Variants in FARP1 observed in about 807,000 individuals in gnomAD.
FARP1 encodes the protein FERM, ARH/RhoGEF and pleckstrin domain protein 1, also known as FERM, ARHGEF and pleckstrin domain-containing protein 1.
In FARP1, 52 loss-of-function variants were observed where a neutral mutation model predicts 128.8. That is an observed-to-expected ratio of 0.40 (90% CI 0.32 to 0.51). The LOEUF is 0.51. Among genes scored for constraint, FARP1 ranks in the 20% least tolerant of loss-of-function variants. The pLI is 0.45. For missense variants in FARP1, 1,333 were observed against 1,367.9 expected (o/e 0.97, Z 0.40); for synonymous variants, 580 against 551.8 (o/e 1.05, Z -0.72).
At chr13:98,241,207 C>G (rs1415189936) in intron 2 of FARP1, among the ~76,000 whole-genome samples, 1 of 152,132 alleles carries the variant, frequency 6.6e-6, no homozygotes, top group African/African-American at 2.4e-5. Context: ...GTGGAGTTTT[C>G]AAGAAGGCTG....
intron 24 of FARP1, among the ~76,000 whole-genome samples, chr13:98,442,976 G>A (rs762794885): frequency 3.9e-5 from 6 of 152,206 alleles, no homozygotes; most frequent in Non-Finnish European, 5.9e-5. Flanking sequence ...TGGGGTCCAG[G>A]TGGCCCAGAG....
At chr13:98,167,215 A>G (rs189660846) in intron 1 of FARP1, among the ~76,000 whole-genome samples, 1 of 152,170 alleles carries the variant, frequency 6.6e-6, no homozygotes, top group Non-Finnish European at 1.5e-5. Context: ...GACTTCCTTT[A>G]TATATGGAGA....
intron 8 of FARP1, among the ~76,000 whole-genome samples, chr13:98,386,187 C>CTTTT (rs138218092): frequency 2.7e-4 from 25 of 93,022 alleles, no homozygotes; most frequent in African/African-American, 7.1e-4. Context: ...TAATGTGATC[C>CTTTT]TTTTTTTTTT....
chr13:98,428,150 C>T (rs1017150607), intron 17 of FARP1, among the ~76,000 whole-genome samples: 1 of 151,510 alleles, frequency 6.6e-6, no homozygotes, highest in Non-Finnish European at 1.5e-5. Context: ...GGTCACACAA[C>T]CAAGGGAGGG....
intron 1 of FARP1, among the ~76,000 whole-genome samples, chr13:98,189,659 A>G (rs1166493488): frequency 6.6e-6 from 1 of 152,212 alleles, no homozygotes; most frequent in Non-Finnish European, 1.5e-5. Flanking sequence ...TTTACTTATT[A>G]TTGCCATGCA....
intron 1 of FARP1, among the ~76,000 whole-genome samples, chr13:98,210,069 A>G (rs1880583935): frequency 1.3e-5 from 2 of 152,056 alleles, no homozygotes; most frequent in South Asian, 4.1e-4. Context: ...AGTACAATGT[A>G]TAGAATGGTA....
chr13:98,288,234 T>A (rs976025764), intron 2 of FARP1, among the ~76,000 whole-genome samples: 1 of 152,090 alleles, frequency 6.6e-6, no homozygotes, highest in African/African-American at 2.4e-5. Flanking sequence ...TGAGGAGGGA[T>A]GGTATAGGTT....
Position 98,358,248 on chromosome 13 carries a change from C to T in FARP1, c.277-7147C>T, listed in dbSNP as rs372177388. On this transcript the variant is annotated intron_variant, in intron 3 of 26. Coordinates refer to ENST00000319562, the MANE Select transcript of FARP1 (RefSeq NM_005766.4). ...CATCTCTTGCACTCATGGATTTGGCCGCATCCTACCTGTGTTCCTCCTTCC... is the reference window on the plus strand; with the variant it reads ...CATCTCTTGCACTCATGGATTTGGCTGCATCCTACCTGTGTTCCTCCTTCC... 3.7e-4 allele frequency among the ~76,000 whole-genome samples: 56 copies of T among 152,022 alleles called. No individual in the cohort carries two copies. In the East Asian group the frequency reaches 4.1e-3, roughly 11 times the overall value.
intron 24 of FARP1, among the ~76,000 whole-genome samples, chr13:98,442,357 G>A (rs1296838840): frequency 2.0e-5 from 3 of 152,214 alleles, no homozygotes; most frequent in African/African-American, 7.2e-5. Context: ...CTTCCCCGTT[G>A]CTCAGACCTG....
chr13:98,290,711 G>A (rs1297436392), intron 2 of FARP1, among the ~76,000 whole-genome samples: 1 of 152,174 alleles, frequency 6.6e-6, no homozygotes, highest in Admixed American at 6.5e-5. Flanking sequence ...TCGTACTGGT[G>A]TAGGTGGTGG....
chr13:98,342,280 A>G (rs1888004829), intron 2 of FARP1, among the ~76,000 whole-genome samples: 1 of 152,212 alleles, frequency 6.6e-6, no homozygotes, highest in Admixed American at 6.5e-5. Flanking sequence ...TCCACATAAA[A>G]CCTGTCCAGA....
chr13:98,312,290 G>A (rs1333457181), intron 2 of FARP1, among the ~76,000 whole-genome samples: 4 of 151,736 alleles, frequency 2.6e-5, no homozygotes, highest in Admixed American at 6.6e-5. Context: ...ACAGGCGCCC[G>A]CTACCACGCC....
At chr13:98,286,298 C>T (rs1885164091) in intron 2 of FARP1, among the ~76,000 whole-genome samples, 1 of 152,164 alleles carries the variant, frequency 6.6e-6, no homozygotes, top group Non-Finnish European at 1.5e-5. Flanking sequence ...ACCAGCTGGT[C>T]TTTCTGCCTC....
At chr13:98,277,172 A>C (rs1884703269) in intron 2 of FARP1, among the ~76,000 whole-genome samples, 1 of 103,842 alleles carries the variant, frequency 9.6e-6, no homozygotes, top group African/African-American at 3.5e-5. Context: ...TATTAGAAGC[A>C]GGGAGTGGCT....
At chr13:98,247,147 C>G (rs1019727347) in intron 2 of FARP1, among the ~76,000 whole-genome samples, 3 of 152,184 alleles carry the variant, frequency 2.0e-5, no homozygotes, top group Non-Finnish European at 2.9e-5. Flanking sequence ...GAGGCTGAGG[C>G]AGAAGAATCA....
At chr13:98,320,125 A>C (rs764074339) in intron 2 of FARP1, among the ~76,000 whole-genome samples, 1 of 152,130 alleles carries the variant, frequency 6.6e-6, no homozygotes, top group Non-Finnish European at 1.5e-5. Context: ...TCTTCCCTTC[A>C]TCTGCAGACC....
At chr13:98,314,131 G>A (rs1004371009) in intron 2 of FARP1, among the ~76,000 whole-genome samples, 5 of 152,164 alleles carry the variant, frequency 3.3e-5, no homozygotes, top group Admixed American at 6.5e-5. Context: ...TTGAACACTA[G>A]ATCTTACGTC....
intron 1 of FARP1, among the ~76,000 whole-genome samples, chr13:98,203,416 C>T (rs1325418482): frequency 6.6e-6 from 1 of 152,210 alleles, no homozygotes; most frequent in Admixed American, 6.5e-5. Flanking sequence ...AGCTCCGAAT[C>T]CCAGCCCCAG....
chr13:98,318,735 G>A (rs932013775), intron 2 of FARP1, among the ~76,000 whole-genome samples: 1 of 152,160 alleles, frequency 6.6e-6, no homozygotes, highest in Admixed American at 6.5e-5. Flanking sequence ...TCTCTTTGAT[G>A]TCTTTTGCTG....
Sources: allele counts gnomAD v4.1 joint callset (sites outside exome capture counted in the v4.1 genomes callset), GRCh38; gene constraint gnomAD v4.1.1; transcripts MANE v1.5; gene names NCBI Gene and HGNC (gene_info 2026-07-23, HGNC 2026-07-21).